Variants in ATF6 observed in about 807,000 individuals in gnomAD.
The protein encoded by ATF6 is cyclic AMP-dependent transcription factor ATF-6 alpha.
ATF6 carries 53 observed loss-of-function variants against 83.6 expected under a neutral mutation model. That is an observed-to-expected ratio of 0.63 (90% CI 0.51 to 0.80). The LOEUF is 0.80. Ranked by LOEUF, ATF6 falls within the 30% of genes least tolerant of loss-of-function variation. The pLI is 0.00. For missense variants in ATF6, 744 were observed against 797.9 expected (o/e 0.93, Z 0.81); for synonymous variants, 288 against 285.8 (o/e 1.01, Z -0.08).
At chr1:161,773,299 A>G (rs1221812523) in intron 1 of ATF6, among the ~76,000 whole-genome samples, 1 of 151,978 alleles carries the variant, frequency 6.6e-6, no homozygotes, top group Non-Finnish European at 1.5e-5. Context: ...ACACCTGGCT[A>G]AATTTTTTTT....
rs564681246 is a variant in ATF6 at position 161,820,976 on chromosome 1, C to T, written c.1096-94C>T. On this transcript the variant is annotated intron_variant, in intron 8 of 15. Transcript: ENST00000367942. ...AGGTATTTGTAAGACAAGAGATTTA[C>T]GTAACCGGTAAAGAGGAAAATTCTA... 2.8e-4 allele frequency: 196 copies of T among 691,388 alleles called. 2 individuals carry two copies. The highest frequency in any genetic ancestry group is 8.9e-5 in the Admixed American group (3 of 33,558). 42.8% of individuals were successfully genotyped at this position (691,388 alleles called of 1,614,324 possible). A position where few individuals can be genotyped will look rare whatever the true frequency, so the allele number is the denominator to read the frequency against.
intron 14 of ATF6, among the ~76,000 whole-genome samples, chr1:161,904,632 C>T (rs1002666166): frequency 6.6e-4 from 100 of 151,368 alleles, no homozygotes; most frequent in Non-Finnish European, 1.3e-3. Context: ...ACAAAACACA[C>T]ACACACACAC....
chr1:161,824,438 A>G (rs1329428192), intron 9 of ATF6, among the ~76,000 whole-genome samples: 2 of 149,624 alleles, frequency 1.3e-5, no homozygotes, highest in African/African-American at 4.9e-5. Flanking sequence ...TTCCTGGACT[A>G]CCTTTTCTAA....
chr1:161,914,130 A>G (rs1392340406), intron 15 of ATF6, among the ~76,000 whole-genome samples: 1 of 152,206 alleles, frequency 6.6e-6, no homozygotes, highest in African/African-American at 2.4e-5. Flanking sequence ...CTATTAAAAA[A>G]TCAAAATTCA....
intron 7 of ATF6, 49 bp downstream of exon 7, chr1:161,802,321 A>G (rs752047980): frequency 1.3e-6 from 2 of 1,515,102 alleles, no homozygotes; most frequent in Non-Finnish European, 1.8e-6. Flanking sequence ...TTAAAAACCA[A>G]CAAAAAAACA....
At position 161,962,566 on chromosome 1, in the gene ATF6, G is replaced by A. The variant is rs1477705506; in HGVS notation, c.*3912G>A. 2.0e-5 allele frequency: 3 copies of A among 152,192 alleles called. No individual in the cohort carries two copies. The highest frequency in any genetic ancestry group is 1.9e-4 in the East Asian group (1 of 5,200). The allele number at this position is 152,192 out of a possible 1,614,324, so 9.4% of individuals were successfully genotyped here. ...ATTGTATTTGACTTTCTAACACATT[G>A]CAAAGTTTCAAAGTGACTTTCACTT... On this transcript the variant is annotated 3_prime_UTR_variant, in exon 16 of 16. Coordinates refer to ENST00000367942, the MANE Select transcript of ATF6 (RefSeq NM_007348.4).
intron 15 of ATF6, among the ~76,000 whole-genome samples, chr1:161,917,372 A>G (rs922293525): frequency 6.6e-6 from 1 of 152,038 alleles, no homozygotes; most frequent in Non-Finnish European, 1.5e-5. Context: ...TTTATCATTT[A>G]TGTTTCAGAT....
chr1:161,859,117 A>G (rs1686825247), intron 12 of ATF6, among the ~76,000 whole-genome samples: 1 of 151,992 alleles, frequency 6.6e-6, no homozygotes, highest in South Asian at 2.1e-4. Flanking sequence ...TTTTCATTTT[A>G]TTGGTGATTT....
chr1:161,784,104 G>T lies in ATF6; in HGVS notation c.354+8G>T. 6.3e-7 allele frequency: 1 copy of T among 1,588,902 alleles called. No homozygotes were observed. The highest frequency in any genetic ancestry group is 1.1e-5 in the South Asian group (1 of 90,074). ...TCAACTCAGCATGTTCCTGTGAGTA[G>T]CCAGTCTTTTACAATGATTTTGGTT... On this transcript the variant is annotated splice_region_variant and intron_variant, in intron 4 of 15. Transcript: ENST00000367942.
In ATF6 at chr1:161,887,259, T is replaced by C. The variant is rs1225431476; in HGVS notation, c.1719+23947T>C. On this transcript the variant is annotated intron_variant, in intron 14 of 15. Transcript: ENST00000367942. ...GCTAATTTTTGTGCTTTTTTTTTTTTAGTAGAGACGGGGTTTCACCATGTT... is the reference window on the plus strand; with the variant it reads ...GCTAATTTTTGTGCTTTTTTTTTTTCAGTAGAGACGGGGTTTCACCATGTT... 6.6e-5 allele frequency among the ~76,000 whole-genome samples: 10 copies of C among 150,534 alleles called. No homozygotes were observed. In the South Asian group the frequency reaches 2.1e-3, roughly 32 times the overall value.
chr1:161,907,730 A>G (rs1202440974), intron 14 of ATF6, among the ~76,000 whole-genome samples: 1 of 152,170 alleles, frequency 6.6e-6, no homozygotes, highest in East Asian at 1.9e-4. Flanking sequence ...AAAGATATGT[A>G]TCTTTATTTC....
At chr1:161,770,837 A>G (rs911537000) in intron 1 of ATF6, among the ~76,000 whole-genome samples, 4 of 152,182 alleles carry the variant, frequency 2.6e-5, no homozygotes, top group African/African-American at 9.7e-5. Context: ...TGTTTGGGTA[A>G]ATATCAAGGA....
At chr1:161,796,477 G>T (rs985773036) in intron 6 of ATF6, among the ~76,000 whole-genome samples, 1 of 152,166 alleles carries the variant, frequency 6.6e-6, no homozygotes, top group African/African-American at 2.4e-5. Flanking sequence ...GGTGATGGGG[G>T]TAGTAGCTTT....
chr1:161,900,665 TATTTA>T (rs964518252), intron 14 of ATF6, among the ~76,000 whole-genome samples: 32 of 152,252 alleles, frequency 2.1e-4, no homozygotes, highest in African/African-American at 7.2e-4. Context: ...TAAAGTAGTT[TATTTA>T]AAGTATCTCC....
intron 1 of ATF6, among the ~76,000 whole-genome samples, chr1:161,772,925 C>T (rs1684422574): frequency 6.6e-6 from 1 of 151,282 alleles, no homozygotes; most frequent in Non-Finnish European, 1.5e-5. Context: ...TCTCTTGAAC[C>T]CAGTCCAGTC....
chr1:161,836,965 A>T (rs1367479450), intron 9 of ATF6, among the ~76,000 whole-genome samples: 1 of 152,224 alleles, frequency 6.6e-6, no homozygotes. Context: ...GTTTAAGTTG[A>T]GTACTTCGAT....
rs1329863764 is a variant in ATF6, at chr1:161,962,230, G to C, written c.*3576G>C. On this transcript the variant is annotated 3_prime_UTR_variant, in exon 16 of 16. Coordinates refer to ENST00000367942, the MANE Select transcript of ATF6 (RefSeq NM_007348.4). ...GAGGTATTTGAAAGCAATGTTATGTGAGTCATTCTTAAGTGTTCCAAGTAA... is the reference window on the plus strand; with the variant it reads ...GAGGTATTTGAAAGCAATGTTATGTCAGTCATTCTTAAGTGTTCCAAGTAA... 4 of 152,234 alleles carry C rather than the reference G, an allele frequency of 2.6e-5. No homozygotes were observed. Among genetic ancestry groups the C allele is most frequent in the African/African-American group, 9.6e-5 (4 of 41,508 alleles). 9.4% of individuals were successfully genotyped at this position (152,234 alleles called of 1,614,324 possible). A position where few individuals can be genotyped will look rare whatever the true frequency, so the allele number is the denominator to read the frequency against.
intron 15 of ATF6, among the ~76,000 whole-genome samples, chr1:161,949,458 C>T (rs1571258309): frequency 6.6e-6 from 1 of 152,160 alleles, no homozygotes; most frequent in Non-Finnish European, 1.5e-5. Flanking sequence ...CTCCAACAGG[C>T]TTTATTACCT....
At chr1:161,920,292 C>G (rs1305242774) in intron 15 of ATF6, among the ~76,000 whole-genome samples, 1 of 19,790 alleles carries the variant, frequency 5.1e-5, no homozygotes, top group African/African-American at 1.8e-4. Flanking sequence ...CTCTCTCTCT[C>G]TCTTTTTTTT....
Sources: gnomAD v4.1 joint callset for allele counts (sites outside exome capture counted in the v4.1 genomes callset) on GRCh38, gnomAD v4.1.1 for gene constraint, MANE v1.5 for transcripts, NCBI Gene and HGNC (gene_info 2026-07-23, HGNC 2026-07-21) for gene names.